The following NFKB1 variants were observed in gnomAD, a reference collection of about 807,000 sequenced individuals.
NFKB1 encodes nuclear factor NF-kappa-B p105 subunit.
NFKB1 carries 9 observed loss-of-function variants against 105.1 expected under a neutral mutation model. That is an observed-to-expected ratio of 0.09 (90% CI 0.05 to 0.15). The LOEUF is 0.15. Ranked by LOEUF, NFKB1 falls within the 10% of genes least tolerant of loss-of-function variation. NFKB1 has a pLI of 1.00. For missense variants in NFKB1, 830 were observed against 1,203.7 expected, an observed-to-expected ratio of 0.69 and a Z score of 4.59; for synonymous variants, 440 against 442.2, an observed-to-expected ratio of 1.00 and a Z score of 0.06.
chr4:102,591,163 G>T (rs1368559801), intron 11 of NFKB1, among the ~76,000 whole-genome samples: 1 of 152,192 alleles, frequency 6.6e-6, no homozygotes, highest in Non-Finnish European at 1.5e-5. Flanking sequence ...ATCTAGTTCA[G>T]AAAATTGATG....
At chr4:102,534,023 C>T in intron 4 of NFKB1, 138 bp downstream of exon 4, 1 of 702,502 alleles carries the variant, frequency 1.4e-6, no homozygotes, top group East Asian at 2.8e-5. Context: ...AATTATGTAA[C>T]AGCTTTATTC....
Position 102,616,810 on chromosome 4 carries a change from AACACTGGCT to A in NFKB1, c.*217_*225del. 2.2e-6 allele frequency: 1 copy of A among 462,718 alleles called. No individual in the cohort carries two copies. Among genetic ancestry groups the A allele is most frequent in the Non-Finnish European group, 3.9e-6 (1 of 258,652 alleles). The allele number at this position is 462,718 out of a possible 1,614,324, so 28.7% of individuals were successfully genotyped here. The stretch of plus-strand genomic sequence containing the variant: ...CTTACAGATAGTATCTAGCAATCAC[AACACTGGCT>A]GAGCGGATGCATCTGGGGATGAGGT... On this transcript the variant is annotated 3_prime_UTR_variant, in exon 24 of 24. Coordinates refer to ENST00000226574, the MANE Select transcript of NFKB1 (RefSeq NM_003998.4).
At chr4:102,541,274 T>C (rs962722141) in intron 5 of NFKB1, among the ~76,000 whole-genome samples, 1 of 152,180 alleles carries the variant, frequency 6.6e-6, no homozygotes, top group Admixed American at 6.5e-5. Flanking sequence ...ACCTTAACCT[T>C]ACCCATTTGC....
chr4:102,532,313 A>G (rs1741343921), intron 3 of NFKB1, among the ~76,000 whole-genome samples: 1 of 152,072 alleles, frequency 6.6e-6, no homozygotes. Context: ...ATCCTGATTT[A>G]TCATAATATT....
At chr4:102,577,121 A>G in intron 7 of NFKB1, 82 bp downstream of exon 7, 1 of 1,426,058 alleles carries the variant, frequency 7.0e-7, no homozygotes, top group African/African-American at 1.4e-5. Flanking sequence ...GTTCATCTGC[A>G]TCCCTTCCAG....
chr4:102,505,783 G>A (rs1002751769), intron 1 of NFKB1, among the ~76,000 whole-genome samples: 7 of 152,086 alleles, frequency 4.6e-5, no homozygotes, highest in Admixed American at 3.9e-4. Context: ...CAATACTGAC[G>A]AAAGAAATAT....
intron 5 of NFKB1, among the ~76,000 whole-genome samples, chr4:102,542,937 C>T (rs1365846742): frequency 2.6e-5 from 4 of 152,206 alleles, no homozygotes; most frequent in Non-Finnish European, 4.4e-5. Flanking sequence ...TATATCTTGT[C>T]CTTTCATAAG....
At chr4:102,575,986 C>T (rs886823350) in intron 6 of NFKB1, among the ~76,000 whole-genome samples, 2 of 152,102 alleles carry the variant, frequency 1.3e-5, no homozygotes, top group African/African-American at 4.8e-5. Flanking sequence ...TTGGTAAAGT[C>T]CTTTTTTGTT....
At chr4:102,557,429 C>G (rs1723068220) in intron 5 of NFKB1, among the ~76,000 whole-genome samples, 1 of 152,152 alleles carries the variant, frequency 6.6e-6, no homozygotes, top group African/African-American at 2.4e-5. Flanking sequence ...ATGTCTTACT[C>G]CAAAGCCTGT....
chr4:102,600,985 C>A lies in NFKB1; in HGVS notation c.1728C>A (p.Ile576=). The change falls in exon 16 of 24, where the codon ATC becomes ATA. Residue 576 remains isoleucine (I), a synonymous_variant. Transcript: ENST00000226574. ...VTSGLISDDI[I]NMRNDLYQTP... ...CTGGTTTGATTTCTGATGACATTAT[C>A]AACATGAGAAATGATCTGTACCAGG... is the stretch of plus-strand genomic sequence containing the variant. 1 of 1,602,672 alleles carries A rather than the reference C, an allele frequency of 6.2e-7. No homozygotes were observed. The highest frequency in any genetic ancestry group is 1.1e-5 in the South Asian group (1 of 90,714).
Position 102,616,759 on chromosome 4 carries a change from T to G in NFKB1, c.*165T>G. 1 of 688,536 alleles carries G rather than the reference T, an allele frequency of 1.5e-6. No individual in the cohort carries two copies. The highest frequency in any genetic ancestry group is 2.3e-6 in the Non-Finnish European group (1 of 427,168). The allele number at this position is 688,536 out of a possible 1,614,324, so 42.7% of individuals were successfully genotyped here. On this transcript the variant is annotated 3_prime_UTR_variant, in exon 24 of 24. Transcript: ENST00000226574. Reference sequence around the variant, plus strand: ...TTTCAACTTGGCTTCCTTTCTTGGTTCATAAATGAATTTTAGTTTGGTTCA... The same window carrying G: ...TTTCAACTTGGCTTCCTTTCTTGGTGCATAAATGAATTTTAGTTTGGTTCA...
At chr4:102,585,757 G>A (rs1335614910) in intron 11 of NFKB1, among the ~76,000 whole-genome samples, 5 of 152,112 alleles carry the variant, frequency 3.3e-5, no homozygotes, top group East Asian at 1.9e-4. Flanking sequence ...AGAAGGCTTC[G>A]TCAAGGAGAT....
intron 4 of NFKB1, 61 bp from the exon 5 acceptor site, chr4:102,537,797 G>C: frequency 1.0e-6 from 1 of 1,002,672 alleles, no homozygotes; most frequent in Non-Finnish European, 1.6e-6. Flanking sequence ...ATGTACCTTT[G>C]TTGCCGTAAT....
intron 1 of NFKB1, among the ~76,000 whole-genome samples, chr4:102,514,847 T>C (rs954974823): frequency 1.3e-5 from 2 of 152,280 alleles, no homozygotes; most frequent in East Asian, 1.9e-4. Context: ...TGTTCCTCTT[T>C]GTCCCTGGTA....
rs548223838 is a variant in NFKB1, at chr4:102,535,540, G to A, written c.159+1655G>A. ...AGTCAGACTTTCTGACTGAATGGAT[G>A]TAGCCTTGCCTTTGAGGTTGATGAC... On this transcript the variant is annotated intron_variant, in intron 4 of 23. Coordinates refer to ENST00000226574, the MANE Select transcript of NFKB1 (RefSeq NM_003998.4). Among the ~76,000 whole-genome samples, 6 of 152,268 alleles carry A rather than the reference G, an allele frequency of 3.9e-5. No homozygotes were observed. The South Asian group carries it at 1.0e-3, about 26-fold the overall frequency.
chr4:102,560,065 C>A (rs1358978279), intron 5 of NFKB1, among the ~76,000 whole-genome samples: 1 of 151,816 alleles, frequency 6.6e-6, no homozygotes, highest in African/African-American at 2.4e-5. Flanking sequence ...CATACATGAA[C>A]ATTTATAAGA....
chr4:102,586,920 G>A (rs147639695), intron 11 of NFKB1, among the ~76,000 whole-genome samples: 317 of 152,306 alleles, frequency 2.1e-3, no homozygotes, highest in African/African-American at 7.2e-3. Flanking sequence ...CCTAGAATTC[G>A]TGCTGCCACA....
At chr4:102,576,501 A>T (rs1724832646) in intron 6 of NFKB1, among the ~76,000 whole-genome samples, 1 of 152,166 alleles carries the variant, frequency 6.6e-6, no homozygotes, top group Admixed American at 6.5e-5. Context: ...AAACCAAAAC[A>T]TTCTTCCAAG....
chr4:102,565,402 AC>A (rs1271373866), intron 5 of NFKB1, among the ~76,000 whole-genome samples: 1 of 151,980 alleles, frequency 6.6e-6, no homozygotes, highest in Non-Finnish European at 1.5e-5. Context: ...CTCCCTGCAA[AC>A]CCTCTGGGGA....
Sources: gnomAD v4.1 joint callset for allele counts (sites outside exome capture counted in the v4.1 genomes callset) on GRCh38, gnomAD v4.1.1 for gene constraint, MANE v1.5 for transcripts, NCBI Gene and HGNC (gene_info 2026-07-23, HGNC 2026-07-21) for gene names.